ZNG1F: variants seen among roughly 807,000 people sequenced by gnomAD.
ZNG1F encodes the protein zinc-regulated GTPase metalloprotein activator 1F.
chr9:41,134,163 GAAGAT>G, the ZNG1F span: 1 of 158,278 alleles, frequency 6.3e-6, no homozygotes, highest in Non-Finnish European at 1.4e-5. Context: ...CCTGGGGAGT[GAAGAT>G]AACTATTTCA....
chr9:41,150,278 C>T, the ZNG1F span, among the ~76,000 whole-genome samples: 4 of 150,168 alleles, frequency 2.7e-5, no homozygotes, highest in Admixed American at 6.7e-5. Context: ...CTTAAAAAAC[C>T]GCGCACCAGG....
the ZNG1F span, chr9:41,183,687 A>G: frequency 6.2e-7 from 1 of 1,606,432 alleles, no homozygotes; most frequent in Non-Finnish European, 8.5e-7. Context: ...ACAATAAATA[A>G]ACAAACTCTT....
At chr9:41,140,182 T>C in the ZNG1F span, among the ~76,000 whole-genome samples, 1 of 144,412 alleles carries the variant, frequency 6.9e-6, no homozygotes, top group East Asian at 2.1e-4. Flanking sequence ...GTTGGGCAAT[T>C]TTGTTGTTAT....
the ZNG1F span, among the ~76,000 whole-genome samples, chr9:41,201,220 G>A: frequency 6.8e-6 from 1 of 147,096 alleles, no homozygotes; most frequent in African/African-American, 2.5e-5. Context: ...GCTTGTATGT[G>A]CATGGGCATA....
the ZNG1F span, among the ~76,000 whole-genome samples, chr9:41,169,795 A>T: frequency 2.0e-5 from 3 of 148,444 alleles, no homozygotes; most frequent in Admixed American, 2.0e-4. Flanking sequence ...AATGTAATTC[A>T]CACACTGTAT....
At chr9:41,205,105 AG>A in the ZNG1F span, among the ~76,000 whole-genome samples, 1 of 127,190 alleles carries the variant, frequency 7.9e-6, no homozygotes. Context: ...TTACATGCAC[AG>A]CTCAGGGATC....
At chr9:41,144,716 C>CTCTATGA in the ZNG1F span, among the ~76,000 whole-genome samples, 44 of 148,112 alleles carry the variant, frequency 3.0e-4, 1 homozygote, top group African/African-American at 1.1e-3. Context: ...TATCCTAAAG[C>CTCTATGA]TCTATGATCT....
the ZNG1F span, among the ~76,000 whole-genome samples, chr9:41,137,143 C>A: frequency 7.2e-5 from 10 of 139,048 alleles, no homozygotes; most frequent in Admixed American, 3.0e-4. Context: ...CTTAGCACCA[C>A]CTTTGCTGTA....
the ZNG1F span, among the ~76,000 whole-genome samples, chr9:41,150,402 G>C: frequency 7.0e-6 from 1 of 143,366 alleles, no homozygotes; most frequent in Admixed American, 7.2e-5. Context: ...GGGGAGGGGC[G>C]CCCGCCATTG....
the ZNG1F span, among the ~76,000 whole-genome samples, chr9:41,175,403 G>T: frequency 6.8e-6 from 1 of 146,756 alleles, no homozygotes. Context: ...ACTTTACCAT[G>T]ACAATTATTT....
the ZNG1F span, chr9:41,164,964 A>G: frequency 6.4e-7 from 1 of 1,569,930 alleles, no homozygotes; most frequent in Non-Finnish European, 8.6e-7. Flanking sequence ...TGTATACAAT[A>G]TGGATCTGTA....
the ZNG1F span, among the ~76,000 whole-genome samples, chr9:41,151,349 T>C: frequency 4.7e-5 from 7 of 149,516 alleles, 1 homozygote; most frequent in African/African-American, 1.7e-4. Context: ...TATGGGACTA[T>C]GTGAAAAGAC....
At chr9:41,155,988 A>G in the ZNG1F span, among the ~76,000 whole-genome samples, 10 of 125,826 alleles carry the variant, frequency 7.9e-5, no homozygotes, top group African/African-American at 3.0e-4. Flanking sequence ...AATAATAAAT[A>G]AATAAATTTA....
At chr9:41,132,133 G>T in the ZNG1F span, 1 of 1,535,856 alleles carries the variant, frequency 6.5e-7, no homozygotes, top group Non-Finnish European at 8.8e-7. Context: ...TTTTAAAAGA[G>T]GACCTGAATG....
the ZNG1F span, among the ~76,000 whole-genome samples, chr9:41,196,619 GT>G: frequency 2.7e-5 from 2 of 73,200 alleles, no homozygotes; most frequent in African/African-American, 8.0e-5. Flanking sequence ...AAGCCTAGGA[GT>G]TTGAGGTTAC....
chr9:41,187,686 A>C, the ZNG1F span, among the ~76,000 whole-genome samples: 1 of 141,484 alleles, frequency 7.1e-6, no homozygotes, highest in Non-Finnish European at 1.6e-5. Flanking sequence ...TTGGGATCAC[A>C]GAAGCAGGAT....
chr9:41,131,997 C>T, the ZNG1F span: 5 of 606,006 alleles, frequency 8.3e-6, no homozygotes, highest in Non-Finnish European at 1.4e-5. Context: ...CAGGTCAGTA[C>T]ATCAAAGTCA....
At chr9:41,184,135 G>T in the ZNG1F span, among the ~76,000 whole-genome samples, 1 of 151,296 alleles carries the variant, frequency 6.6e-6, no homozygotes, top group Non-Finnish European at 1.5e-5. Context: ...AAAAACCCTA[G>T]TTCATCCTGA....
chr9:41,178,652 C>T, the ZNG1F span, among the ~76,000 whole-genome samples: 2 of 23,702 alleles, frequency 8.4e-5, no homozygotes, highest in Non-Finnish European at 9.3e-5. Context: ...CTGCCACCTC[C>T]GCCTCCCGGG....
Sources: gnomAD v4.1 joint callset for allele counts (sites outside exome capture counted in the v4.1 genomes callset) on GRCh38, gnomAD v4.1.1 for gene constraint, MANE v1.5 for transcripts, NCBI Gene and HGNC (gene_info 2026-07-23, HGNC 2026-07-21) for gene names.